BPGM: variants seen among roughly 807,000 people sequenced by gnomAD.
BPGM encodes the protein bisphosphoglycerate mutase, also known as 2,3-bisphosphoglycerate mutase, erythrocyte.
BPGM carries 15 observed loss-of-function variants against 21.6 expected under a neutral mutation model. The observed-to-expected ratio is 0.70, with a 90% CI of 0.47 to 1.07. The LOEUF (loss-of-function observed/expected upper bound fraction) is 1.07. Ranked by LOEUF, BPGM falls within the 50% of genes least tolerant of loss-of-function variation. BPGM has a pLI of 0.00. For missense variants in BPGM, 273 were observed against 319.0 expected, an observed-to-expected ratio of 0.86 and a Z score of 1.10; for synonymous variants, 113 against 116.2, an observed-to-expected ratio of 0.97 and a Z score of 0.18.
intron 1 of BPGM, among the ~76,000 whole-genome samples, chr7:134,651,945 G>A (rs1169529285): frequency 6.6e-6 from 1 of 152,176 alleles, no homozygotes; most frequent in Non-Finnish European, 1.5e-5. Context: ...GTCTAATGGG[G>A]TAAAGTGTGT....
chr7:134,663,624 C>G (rs978155996), intron 2 of BPGM, among the ~76,000 whole-genome samples: 7 of 152,196 alleles, frequency 4.6e-5, no homozygotes, highest in Admixed American at 3.9e-4. Context: ...GTATTCTATT[C>G]AACCGTGCCA....
chr7:134,679,203 C>A lies in BPGM; in HGVS notation c.*172C>A. 1.4e-6 allele frequency: 1 copy of A among 708,336 alleles called. No individual in the cohort carries two copies. The highest frequency in any genetic ancestry group is 2.3e-6 in the Non-Finnish European group (1 of 430,600). 43.9% of individuals were successfully genotyped at this position (708,336 alleles called of 1,614,324 possible). A position where few individuals can be genotyped will look rare whatever the true frequency, so the allele number is the denominator to read the frequency against. Reference sequence around the variant, plus strand: ...GCCCAGATAAGGCTTTAGGATGCCTCAGTGCTTATGTCATAGCCTTATGAG... The same window carrying A: ...GCCCAGATAAGGCTTTAGGATGCCTAAGTGCTTATGTCATAGCCTTATGAG... On this transcript the variant is annotated 3_prime_UTR_variant, in exon 3 of 3. Coordinates refer to ENST00000344924, the MANE Select transcript of BPGM (RefSeq NM_001724.5).
In BPGM at chr7:134,673,565, G is replaced by A. The variant is rs1348426189; in HGVS notation, c.602-5288G>A. Among the ~76,000 whole-genome samples, 3 of 152,178 alleles carry A rather than the reference G, an allele frequency of 2.0e-5. 1 individual carries two copies. Among genetic ancestry groups the A allele is most frequent in the Admixed American group, 1.3e-4 (2 of 15,270 alleles). ...GCCCCTTGCTGAAGACCTGGAACTC[G>A]TTTCTAAAGTCACAGACAACAACCC... On this transcript the variant is annotated intron_variant, in intron 2 of 2. Coordinates refer to ENST00000344924, the MANE Select transcript of BPGM (RefSeq NM_001724.5).
rs1795745508 is a variant in BPGM, at chr7:134,662,079, G to T, written c.572G>T (p.Ser191Ile). Residue 191 changes from serine (S) to isoleucine (I), a missense_variant, in exon 2 of 3, where the codon AGC (serine) becomes ATC (isoleucine). Coordinates refer to ENST00000344924, the MANE Select transcript of BPGM (RefSeq NM_001724.5). ...KTILISAHGNSSRALLKHLEG... is the reference protein window; with the variant it reads ...KTILISAHGNISRALLKHLEG... ...ATTCTGATATCTGCTCATGGAAATAGCAGTAGGGCACTCCTAAAACACCTG... is the reference window on the plus strand; with the variant it reads ...ATTCTGATATCTGCTCATGGAAATATCAGTAGGGCACTCCTAAAACACCTG... 6.2e-7 allele frequency: 1 copy of T among 1,614,128 alleles called. No homozygotes were observed.
chr7:134,649,802 T>C (rs1336458139), intron 1 of BPGM, among the ~76,000 whole-genome samples: 1 of 152,250 alleles, frequency 6.6e-6, no homozygotes, highest in Non-Finnish European at 1.5e-5. Flanking sequence ...TTCCTCCTTC[T>C]ACCACCTAAT....
intron 2 of BPGM, among the ~76,000 whole-genome samples, chr7:134,672,447 C>G (rs1457667522): frequency 6.6e-6 from 1 of 152,098 alleles, no homozygotes; most frequent in Non-Finnish European, 1.5e-5. Flanking sequence ...AATGTTTGTT[C>G]AACTGTAAGT....
At chr7:134,664,288 G>A (rs899237723) in intron 2 of BPGM, among the ~76,000 whole-genome samples, 10 of 152,084 alleles carry the variant, frequency 6.6e-5, no homozygotes, top group Middle Eastern at 3.2e-3. Context: ...GTGTGAGCAG[G>A]GCTGTGCTCT....
intron 1 of BPGM, among the ~76,000 whole-genome samples, chr7:134,656,369 GA>G (rs1357724157): frequency 1.3e-5 from 2 of 152,158 alleles, no homozygotes; most frequent in East Asian, 3.9e-4. Flanking sequence ...TGAAAAAAAA[GA>G]ATGTAAATTG....
intron 1 of BPGM, among the ~76,000 whole-genome samples, chr7:134,657,519 T>G (rs975757105): frequency 6.6e-6 from 1 of 152,162 alleles, no homozygotes; most frequent in Non-Finnish European, 1.5e-5. Context: ...AGCAAGACTT[T>G]CAACATTGAA....
At position 134,668,578 on chromosome 7, in the gene BPGM, C is replaced by G. The variant is rs538314283; in HGVS notation, c.601+6470C>G. Among the ~76,000 whole-genome samples, 4 of 152,300 alleles carry G rather than the reference C, an allele frequency of 2.6e-5. No homozygotes were observed. In the South Asian group the frequency reaches 8.3e-4, roughly 32 times the overall value. On this transcript the variant is annotated intron_variant, in intron 2 of 2. Transcript: ENST00000344924. The stretch of plus-strand genomic sequence containing the variant: ...AGCACAGTTTTAGGCATTTTACGTA[C>G]ACATGTTGTTTTATGTAGGAACTAG...
chr7:134,678,531 C>A (rs1796013875), intron 2 of BPGM, among the ~76,000 whole-genome samples: 1 of 152,212 alleles, frequency 6.6e-6, no homozygotes, highest in Admixed American at 6.5e-5. Context: ...TCGAGATTAC[C>A]TGATTCCTTG....
intron 1 of BPGM, among the ~76,000 whole-genome samples, chr7:134,647,668 G>C (rs905344253): frequency 1.3e-5 from 2 of 152,150 alleles, no homozygotes. Flanking sequence ...CTTGTGAGTG[G>C]TACTAGAATG....
chr7:134,661,465 A>ATAT lies in BPGM; in HGVS notation c.-40_-38dup, dbSNP rs746319035. On this transcript the variant is annotated 5_prime_UTR_variant, in exon 2 of 3. Coordinates refer to ENST00000344924, the MANE Select transcript of BPGM (RefSeq NM_001724.5). This position sits in a 1 kb window ranked among gnomAD's most constrained non-coding sequence, Gnocchi z 4.6. Reference sequence around the variant, plus strand: ...TTTCTAGATGTATTGCTGTCCTTGAATATTAGCCCATTTGAAAACGCCTGG... The same window carrying ATAT: ...TTTCTAGATGTATTGCTGTCCTTGAATATTATTAGCCCATTTGAAAACGCCTGG... The ATAT allele has an allele frequency of 2.5e-6, 4 of 1,613,588 alleles. No individual in the cohort carries two copies. Among genetic ancestry groups the ATAT allele is most frequent in the Admixed American group, 1.7e-5 (1 of 60,020 alleles).
chr7:134,648,567 A>G (rs1032290839), intron 1 of BPGM, among the ~76,000 whole-genome samples: 1 of 152,210 alleles, frequency 6.6e-6, no homozygotes, highest in Non-Finnish European at 1.5e-5. Flanking sequence ...CATAATTCAA[A>G]CAGTGTCATA....
chr7:134,659,861 A>G (rs1270229448), intron 1 of BPGM, among the ~76,000 whole-genome samples: 3 of 152,368 alleles, frequency 2.0e-5, no homozygotes, highest in Middle Eastern at 3.4e-3. Flanking sequence ...GGCACTTGAC[A>G]TTGGCATTGC....
At chr7:134,669,823 G>A (rs1795877244) in intron 2 of BPGM, among the ~76,000 whole-genome samples, 2 of 151,916 alleles carry the variant, frequency 1.3e-5, no homozygotes, top group Admixed American at 1.3e-4. Flanking sequence ...CCTACTTAAG[G>A]GACTGCTTTA....
intron 1 of BPGM, among the ~76,000 whole-genome samples, chr7:134,647,546 T>G (rs145316981): frequency 6.6e-6 from 1 of 152,340 alleles, no homozygotes; most frequent in African/African-American, 2.4e-5. Flanking sequence ...GTCAATGAAA[T>G]GCATAATTGC....
At chr7:134,658,637 A>C (rs971570149) in intron 1 of BPGM, 15 of 152,268 alleles carry the variant, frequency 9.9e-5, no homozygotes, top group African/African-American at 3.4e-4. Context: ...TGAAGTTTCT[A>C]TGTTTGCAAG....
At chr7:134,669,290 CATT>C (rs1370186033) in intron 2 of BPGM, among the ~76,000 whole-genome samples, 3 of 152,152 alleles carry the variant, frequency 2.0e-5, no homozygotes, top group African/African-American at 7.2e-5. Context: ...AAACCATGGT[CATT>C]ATAGGGAACT....
Sources: allele counts gnomAD v4.1 joint callset (sites outside exome capture counted in the v4.1 genomes callset), GRCh38; gene constraint gnomAD v4.1.1; non-coding constraint Gnocchi (gnomAD v3.1); transcripts MANE v1.5; gene names NCBI Gene and HGNC (gene_info 2026-07-23, HGNC 2026-07-21).